ZNF385D: variants seen among roughly 807,000 people sequenced by gnomAD.
The protein encoded by ZNF385D is zinc finger protein 385D.
A neutral mutation model predicts 35.8 loss-of-function variants in ZNF385D; 15 were observed. That is an observed-to-expected ratio of 0.42 (90% CI 0.28 to 0.64). The LOEUF is 0.64. Among genes scored for constraint, ZNF385D ranks in the 30% least tolerant of loss-of-function variants. The probability of loss-of-function intolerance (pLI) is 0.23; values close to 1 mark genes in which losing one functional copy is unlikely to be tolerated. For synonymous variants in ZNF385D, 212 were observed against 186.8 expected (o/e 1.13, Z -1.10); for missense variants, 474 against 494.6 (o/e 0.96, Z 0.39).
intron 3 of ZNF385D, among the ~76,000 whole-genome samples, chr3:21,792,191 A>G (rs187340060): frequency 8.7e-4 from 133 of 152,304 alleles, no homozygotes; most frequent in Non-Finnish European, 1.3e-3. Context: ...AAATGAAGTG[A>G]TGGGGCAGAT....
intron 2 of ZNF385D, among the ~76,000 whole-genome samples, chr3:21,567,617 C>G (rs537972924): frequency 6.6e-6 from 1 of 151,946 alleles, no homozygotes; most frequent in Admixed American, 6.6e-5. Context: ...CAGGTAGATG[C>G]CTTATCATGT....
chr3:21,482,614 C>T (rs1221896813), intron 4 of ZNF385D, among the ~76,000 whole-genome samples: 1 of 152,104 alleles, frequency 6.6e-6, no homozygotes, highest in African/African-American at 2.4e-5. Flanking sequence ...TTAGTGATGT[C>T]CTAACCTTTG....
intron 3 of ZNF385D, among the ~76,000 whole-genome samples, chr3:22,072,529 T>C (rs1700277941): frequency 1.3e-5 from 2 of 152,032 alleles, no homozygotes; most frequent in South Asian, 4.1e-4. Flanking sequence ...TAACTTTTCT[T>C]CTATGGAGAT....
At chr3:21,963,226 T>G (rs1576020891) in intron 3 of ZNF385D, among the ~76,000 whole-genome samples, 1 of 152,142 alleles carries the variant, frequency 6.6e-6, no homozygotes, top group Non-Finnish European at 1.5e-5. Context: ...GTGGGAGAAG[T>G]TTATCACCTG....
intron 3 of ZNF385D, among the ~76,000 whole-genome samples, chr3:22,027,896 C>T (rs1393703067): frequency 2.6e-5 from 4 of 152,170 alleles, no homozygotes; most frequent in African/African-American, 9.7e-5. Context: ...TGGTTCTGCA[C>T]TATATGCAGG....
chr3:22,075,653 G>C (rs1444404635), intron 3 of ZNF385D, among the ~76,000 whole-genome samples: 2 of 151,806 alleles, frequency 1.3e-5, no homozygotes, highest in African/African-American at 4.8e-5. Flanking sequence ...TTATGCTTGA[G>C]TTCTCTTTTC....
chr3:21,751,693 G>A (rs1254393978), upstream of ZNF385D, among the ~76,000 whole-genome samples: 1 of 152,082 alleles, frequency 6.6e-6, no homozygotes, highest in Non-Finnish European at 1.5e-5. Flanking sequence ...GGGTAATAGA[G>A]GTTCACACTT....
intron 1 of ZNF385D, among the ~76,000 whole-genome samples, chr3:21,705,366 C>G (rs956436729): frequency 2.6e-5 from 4 of 152,190 alleles, no homozygotes; most frequent in Non-Finnish European, 5.9e-5. Flanking sequence ...GAAAGGGCAG[C>G]AAGTTCTCCT....
At chr3:22,244,083 T>C (rs1047147481) in intron 2 of ZNF385D, among the ~76,000 whole-genome samples, 8 of 150,818 alleles carry the variant, frequency 5.3e-5, no homozygotes, top group African/African-American at 2.0e-4. Context: ...CAAGACTTTT[T>C]ATATTTCCCC....
At chr3:21,892,064 G>A (rs1698897034) in intron 3 of ZNF385D, among the ~76,000 whole-genome samples, 2 of 152,064 alleles carry the variant, frequency 1.3e-5, no homozygotes, top group African/African-American at 4.8e-5. Context: ...TTTGTTTCGA[G>A]GGCAACTGAA....
At chr3:21,602,512 ATTTTCTTTT>A (rs151201089) in intron 2 of ZNF385D, among the ~76,000 whole-genome samples, 5 of 90,208 alleles carry the variant, frequency 5.5e-5, no homozygotes, top group Non-Finnish European at 6.0e-5. Flanking sequence ...GTTTCCCTGC[ATTTTCTTTT>A]TTTTTTTTTT....
chr3:22,185,542 A>C (rs61478263), intron 2 of ZNF385D, among the ~76,000 whole-genome samples: 1 of 152,252 alleles, frequency 6.6e-6, no homozygotes, highest in African/African-American at 2.4e-5. Context: ...ATCTTGGCTC[A>C]CTGCAACCTC....
At chr3:22,145,117 T>G (rs1704771285) in intron 3 of ZNF385D, among the ~76,000 whole-genome samples, 1 of 152,072 alleles carries the variant, frequency 6.6e-6, no homozygotes, top group African/African-American at 2.4e-5. Flanking sequence ...ACACATACAT[T>G]TGTATATATA....
At chr3:21,508,969 C>CTTTTTTTT (rs200174782) in intron 4 of ZNF385D, among the ~76,000 whole-genome samples, 8 of 142,376 alleles carry the variant, frequency 5.6e-5, no homozygotes, top group East Asian at 2.1e-4. Flanking sequence ...CACCTGGGGG[C>CTTTTTTTT]TTTTTTTTTT....
intron 3 of ZNF385D, among the ~76,000 whole-genome samples, chr3:22,118,878 G>T (rs1374042924): frequency 6.6e-6 from 1 of 151,906 alleles, no homozygotes; most frequent in Non-Finnish European, 1.5e-5. Flanking sequence ...TTCCATTACT[G>T]CTTTGTAGAT....
At chr3:21,493,219 A>AT (rs963033142) in intron 4 of ZNF385D, among the ~76,000 whole-genome samples, 1 of 151,994 alleles carries the variant, frequency 6.6e-6, no homozygotes, top group African/African-American at 2.4e-5. Flanking sequence ...TCACCAACAT[A>AT]TTTTTTCTGT....
At chr3:21,844,532 T>C (rs1458096807) in intron 3 of ZNF385D, among the ~76,000 whole-genome samples, 1 of 151,974 alleles carries the variant, frequency 6.6e-6, no homozygotes, top group African/African-American at 2.4e-5. Flanking sequence ...GAAAACATTC[T>C]CTGATTACAA....
chr3:21,562,770 T>A (rs937199857), intron 3 of ZNF385D, among the ~76,000 whole-genome samples: 7 of 152,138 alleles, frequency 4.6e-5, no homozygotes, highest in African/African-American at 1.7e-4. Flanking sequence ...GCTGAGTGTT[T>A]AAAAATGATC....
chr3:22,053,170 C>T lies in ZNF385D; in HGVS notation c.325+115647G>A, dbSNP rs1414151515. Among the ~76,000 whole-genome samples, 3 of 88,626 alleles carry T rather than the reference C, an allele frequency of 3.4e-5. 1 individual carries two copies. The highest frequency in any genetic ancestry group is 1.3e-4 in the African/African-American group (3 of 23,930). 58.1% of individuals were successfully genotyped at this position (88,626 alleles called of 152,430 possible). On this transcript the variant is annotated intron_variant, in intron 3 of 5. Coordinates refer to the ZNF385D transcript ENST00000494108. ...AGCGAGATTCCGTGGGCGTAGGACC[C>T]TCCGAGCCAGGTGTGGGATATAGTC... is the stretch of plus-strand genomic sequence containing the variant.
Sources: gnomAD v4.1 joint callset for allele counts (sites outside exome capture counted in the v4.1 genomes callset) on GRCh38, gnomAD v4.1.1 for gene constraint, MANE v1.5 for transcripts, NCBI Gene and HGNC (gene_info 2026-07-23, HGNC 2026-07-21) for gene names.